The following TPO variants were observed in gnomAD, a reference collection of about 807,000 sequenced individuals.
TPO encodes thyroid peroxidase.
TPO carries 78 observed loss-of-function variants against 96.9 expected under a neutral mutation model. That is an observed-to-expected ratio of 0.81 (90% CI 0.67 to 0.97). The LOEUF is 0.97. Ranked by LOEUF, TPO falls within the 50% of genes least tolerant of loss-of-function variation. The probability of loss-of-function intolerance (pLI) is 0.00; values close to 1 mark genes in which losing one functional copy is unlikely to be tolerated. For missense variants in TPO, 1,252 were observed against 1,274.8 expected (o/e 0.98, Z 0.27); for synonymous variants, 547 against 538.0 (o/e 1.02, Z -0.23).
chr2:1,523,633 T>C (rs1459493770), intron 15 of TPO, among the ~76,000 whole-genome samples: 1 of 86,942 alleles, frequency 1.2e-5, no homozygotes, highest in African/African-American at 4.7e-5. Flanking sequence ...GTGAGCAACC[T>C]CCTCAAATCA....
At chr2:1,465,757 A>T (rs550835585) in intron 7 of TPO, among the ~76,000 whole-genome samples, 1 of 152,082 alleles carries the variant, frequency 6.6e-6, no homozygotes, top group South Asian at 2.1e-4. Context: ...GTATCCAGAA[A>T]TTTTTCTGAA....
At chr2:1,449,941 G>A (rs1573235210) in intron 5 of TPO, among the ~76,000 whole-genome samples, 1 of 152,114 alleles carries the variant, frequency 6.6e-6, no homozygotes, top group African/African-American at 2.4e-5. Context: ...AGTAGCTCCA[G>A]CAGGAGACGG....
intron 15 of TPO, among the ~76,000 whole-genome samples, chr2:1,527,767 C>T (rs1462494591): frequency 1.4e-4 from 20 of 145,648 alleles, no homozygotes; most frequent in African/African-American, 4.9e-4. Flanking sequence ...TCCCCAAATC[C>T]CCCCCACTCT....
chr2:1,534,669 C>A (rs566793584), intron 15 of TPO, among the ~76,000 whole-genome samples: 3 of 138,330 alleles, frequency 2.2e-5, no homozygotes, highest in African/African-American at 8.6e-5. Flanking sequence ...AAATACCCCC[C>A]CCACTCTGTG....
chr2:1,490,029 CA>C lies in TPO; in HGVS notation c.1768+2039del, dbSNP rs1372018286. Among the ~76,000 whole-genome samples, 7 of 87,516 alleles carry C rather than the reference CA, an allele frequency of 8.0e-5. No individual in the cohort carries two copies. In the East Asian group the frequency reaches 2.4e-3, roughly 29 times the overall value. The allele number at this position is 87,516 out of a possible 152,430, so 57.4% of individuals were successfully genotyped here. On this transcript the variant is annotated intron_variant, in intron 10 of 16. Coordinates refer to ENST00000329066, the MANE Select transcript of TPO (RefSeq NM_001206744.2). ...TAAGAGCCGCCACGAGGGTCCCACACAGGGGGAGTCGCGACACAGCAGTGTA... is the reference window on the plus strand; with the variant it reads ...TAAGAGCCGCCACGAGGGTCCCACACGGGGGAGTCGCGACACAGCAGTGTA...
In TPO at chr2:1,484,679, C is replaced by T. The variant is rs775675189; in HGVS notation, c.1422C>T (p.Asp474=). Residue 474 remains aspartate, a synonymous_variant, in exon 9 of 17, where the codon GAC becomes GAT. Transcript: ENST00000329066. The part of the protein sequence containing the change: ...QQYVGPYEGY[D]STANPTVSNV... ...ACGTGGGTCCCTATGAAGGCTATGACTCCACCGCCAACCCCACTGTGTCCA... is the reference window on the plus strand; with the variant it reads ...ACGTGGGTCCCTATGAAGGCTATGATTCCACCGCCAACCCCACTGTGTCCA... 1.3e-4 allele frequency: 212 copies of T among 1,614,050 alleles called. 4 individuals carry two copies. In the South Asian group the frequency reaches 2.2e-3, roughly 17 times the overall value.
intron 2 of TPO, among the ~76,000 whole-genome samples, chr2:1,417,094 G>A (rs980945394): frequency 6.6e-6 from 1 of 152,222 alleles, no homozygotes; most frequent in Admixed American, 6.5e-5. Flanking sequence ...CACGTCCCAG[G>A]TCTTTACAGA....
At chr2:1,504,568 G>T (rs908809692) in intron 14 of TPO, among the ~76,000 whole-genome samples, 3 of 152,230 alleles carry the variant, frequency 2.0e-5, no homozygotes, top group African/African-American at 7.2e-5. Flanking sequence ...ATCTGCCTCG[G>T]ATGGCCTTGT....
upstream of TPO, among the ~76,000 whole-genome samples, chr2:1,412,129 G>A (rs187303054): frequency 1.1e-4 from 16 of 152,286 alleles, no homozygotes; most frequent in Non-Finnish European, 1.3e-4. Flanking sequence ...CTCACTGCCC[G>A]CCTGTGCCAC....
chr2:1,466,612 G>A (rs1668920416), intron 7 of TPO, among the ~76,000 whole-genome samples: 1 of 152,088 alleles, frequency 6.6e-6, no homozygotes, highest in Non-Finnish European at 1.5e-5. Flanking sequence ...CTTAAGCTAG[G>A]AGGGTTATAT....
In TPO at chr2:1,477,508, C is replaced by G. The variant is rs1415517579; in HGVS notation, c.1242C>G (p.His414Gln). The change falls in exon 8 of 17, where the codon CAC becomes CAG. Residue 414 changes from histidine (H) to glutamine (Q), a missense_variant. Coordinates refer to ENST00000329066, the MANE Select transcript of TPO (RefSeq NM_001206744.2). ...TGCACACGCTGTGGCTGCGCGAGCACAACCGCCTGGCCGCGGCGCTCAAGG... is the reference window on the plus strand; with the variant it reads ...TGCACACGCTGTGGCTGCGCGAGCAGAACCGCCTGGCCGCGGCGCTCAAGG... The part of the protein sequence containing the change: ...TALHTLWLRE[H>Q]NRLAAALKAL... The G allele has an allele frequency of 6.5e-7, 1 of 1,532,272 alleles. No individual in the cohort carries two copies. Among genetic ancestry groups the G allele is most frequent in the Non-Finnish European group, 8.7e-7 (1 of 1,144,746 alleles). The allele number at this position is 1,532,272 out of a possible 1,614,324, so 94.9% of individuals were successfully genotyped here.
intron 6 of TPO, 41 bp from the exon 7 acceptor site, chr2:1,456,035 G>T: frequency 6.3e-7 from 1 of 1,596,800 alleles, no homozygotes; most frequent in Non-Finnish European, 8.6e-7. Flanking sequence ...TGCTACCACA[G>T]GGTCCTCCTA....
upstream of TPO, among the ~76,000 whole-genome samples, chr2:1,412,874 C>CACAA (rs1485448013): frequency 2.6e-5 from 4 of 151,606 alleles, no homozygotes; most frequent in Non-Finnish European, 4.4e-5. Context: ...GACCTTCCTA[C>CACAA]AGAACATCTC....
At chr2:1,523,371 C>G (rs1199546238) in intron 15 of TPO, among the ~76,000 whole-genome samples, 1 of 127,584 alleles carries the variant, frequency 7.8e-6, no homozygotes, top group East Asian at 2.7e-4. Flanking sequence ...CTGTGTTCAA[C>G]CTCCCCAAAT....
Position 1,503,976 on chromosome 2 carries a change from C to A in TPO, c.2415C>A (p.His805Gln), listed in dbSNP as rs780183572. 4 of 1,613,858 alleles carry A rather than the reference C, an allele frequency of 2.5e-6. No homozygotes were observed. The highest frequency in any genetic ancestry group is 3.4e-6 in the Non-Finnish European group (4 of 1,179,900). ...KDVNECADGAHPPCHASARCR... is the reference protein window; with the variant it reads ...KDVNECADGAQPPCHASARCR... ...TGAACGAGTGTGCAGACGGTGCCCA[C>A]CCCCCCTGCCACGCCTCTGCGAGGT... Residue 805 changes from histidine to glutamine, a missense_variant, in exon 14 of 17, where the codon CAC (histidine) becomes CAA (glutamine). Transcript: ENST00000329066.
At chr2:1,387,187 G>A (rs1661913660) in intron 1 of TPO, among the ~76,000 whole-genome samples, 1 of 152,094 alleles carries the variant, frequency 6.6e-6, no homozygotes, top group African/African-American at 2.4e-5. Flanking sequence ...ACAATTATGT[G>A]TCTTGGAGTT....
At chr2:1,428,788 A>G (rs1664686878) in intron 3 of TPO, among the ~76,000 whole-genome samples, 1 of 152,120 alleles carries the variant, frequency 6.6e-6, no homozygotes, top group Non-Finnish European at 1.5e-5. Flanking sequence ...CAAGGAAAGC[A>G]CGCGTTTTGG....
intron 1 of TPO, among the ~76,000 whole-genome samples, chr2:1,375,346 CTCAG>C (rs1296649368): frequency 1.2e-4 from 19 of 152,036 alleles, no homozygotes; most frequent in Non-Finnish European, 1.8e-4. Flanking sequence ...CGAAGCAGAT[CTCAG>C]TCAATTAGAA....
chr2:1,426,842 G>A (rs9326170), intron 3 of TPO, among the ~76,000 whole-genome samples: 38,977 of 151,950 alleles, frequency 0.26, 5,218 homozygotes, highest in Admixed American at 0.35. Flanking sequence ...CTTTAGAGCC[G>A]AAAAGGAAAA....
Sources: allele counts gnomAD v4.1 joint callset (sites outside exome capture counted in the v4.1 genomes callset), GRCh38; gene constraint gnomAD v4.1.1; transcripts MANE v1.5; gene names NCBI Gene and HGNC (gene_info 2026-07-23, HGNC 2026-07-21).